SGCE: variants seen among roughly 807,000 people sequenced by gnomAD.
The protein encoded by SGCE is sarcoglycan epsilon.
In SGCE, 26 loss-of-function variants were observed where a neutral mutation model predicts 57.8. That is an observed-to-expected ratio of 0.45 (90% confidence interval 0.33 to 0.62). The LOEUF is 0.62. Among genes scored for constraint, SGCE ranks in the 20% least tolerant of loss-of-function variants. SGCE has a pLI of 0.02. For missense variants in SGCE, 468 were observed against 548.6 expected (o/e 0.85, Z 1.47); for synonymous variants, 183 against 189.5 (o/e 0.97, Z 0.28).
chr7:94,615,377 G>C (rs1231084650), intron 5 of SGCE, among the ~76,000 whole-genome samples: 1 of 93,312 alleles, frequency 1.1e-5, no homozygotes, highest in Non-Finnish European at 2.2e-5. Context: ...TAGATAGATA[G>C]ATAGATAGAT....
chr7:94,633,473 A>T (rs1181358815), intron 1 of SGCE, among the ~76,000 whole-genome samples: 1 of 152,136 alleles, frequency 6.6e-6, no homozygotes, highest in Non-Finnish European at 1.5e-5. Flanking sequence ...GATCCAATTT[A>T]TCTCATCACC....
At position 94,588,229 on chromosome 7, in the gene SGCE, T is replaced by C. The variant is rs185185583; in HGVS notation, c.1297+460A>G. Reference sequence around the variant, plus strand: ...TCATTGGTCATGTTATAACAGCTTTTTAAAGCGGCTTTAAAACCAGGCCAG... The same window carrying C: ...TCATTGGTCATGTTATAACAGCTTTCTAAAGCGGCTTTAAAACCAGGCCAG... On this transcript the variant is annotated intron_variant, in intron 10 of 10. Transcript: ENST00000648936. 2.1e-4 allele frequency: 222 copies of C among 1,049,790 alleles called. No homozygotes were observed. In the African/African-American group the frequency reaches 3.1e-3, roughly 15 times the overall value. The allele number at this position is 1,049,790 out of a possible 1,614,324, so 65.0% of individuals were successfully genotyped here.
intron 5 of SGCE, among the ~76,000 whole-genome samples, chr7:94,615,415 TAGATAGATAAAG>T (rs1443385939): frequency 1.5e-5 from 2 of 129,948 alleles, no homozygotes; most frequent in Non-Finnish European, 3.4e-5. Flanking sequence ...GATAGATAGA[TAGATAGATAAAG>T]GGCAATTCTG....
intron 3 of SGCE, chr7:94,626,476 C>T (rs574119534): frequency 2.6e-5 from 4 of 152,070 alleles, no homozygotes; most frequent in African/African-American, 7.2e-5. Context: ...CCTAGTACCT[C>T]AACATTTTTG....
chr7:94,615,425 A>ATAG (rs1562836241), intron 5 of SGCE, among the ~76,000 whole-genome samples: 16 of 133,434 alleles, frequency 1.2e-4, no homozygotes, highest in Non-Finnish European at 2.1e-4. Flanking sequence ...TAGATAGATA[A>ATAG]AGGGCAATTC....
At chr7:94,637,047 G>A (rs1487401897) in intron 1 of SGCE, among the ~76,000 whole-genome samples, 1 of 140,980 alleles carries the variant, frequency 7.1e-6, no homozygotes, top group Non-Finnish European at 1.5e-5. Flanking sequence ...CAACAAGAGC[G>A]AAACTCCATC....
In SGCE at chr7:94,636,986, G is replaced by A. The variant is rs2117023568; in HGVS notation, c.110-7145C>T. The stretch of plus-strand genomic sequence containing the variant: ...AGGCAGGAGAATCACTTGAACCCGG[G>A]AGGAGGAAGTTGCAGTGAGCTGAGA... On this transcript the variant is annotated intron_variant, in intron 1 of 10. Transcript: ENST00000648936. Among the ~76,000 whole-genome samples the A allele has an allele frequency of 1.3e-5, 2 of 151,336 alleles. 1 individual carries two copies. Among genetic ancestry groups the A allele is most frequent in the South Asian group, 4.2e-4 (2 of 4,792 alleles).
intron 1 of SGCE, among the ~76,000 whole-genome samples, chr7:94,646,750 A>G (rs1408819587): frequency 2.6e-5 from 4 of 152,230 alleles, no homozygotes; most frequent in African/African-American, 7.2e-5. Flanking sequence ...TAAAAAATAT[A>G]ACAATGCTCA....
intron 5 of SGCE, among the ~76,000 whole-genome samples, chr7:94,604,029 T>G (rs1445286384): frequency 6.6e-6 from 1 of 152,150 alleles, no homozygotes; most frequent in African/African-American, 2.4e-5. Flanking sequence ...CAATCTTTTA[T>G]CTAAGACATT....
At chr7:94,610,278 G>A (rs1242563509) in intron 5 of SGCE, among the ~76,000 whole-genome samples, 2 of 152,078 alleles carry the variant, frequency 1.3e-5, no homozygotes, top group Non-Finnish European at 2.9e-5. Flanking sequence ...CTATAATGAT[G>A]GAAACATGTC....
intron 1 of SGCE, among the ~76,000 whole-genome samples, chr7:94,654,089 C>G (rs1415700927): frequency 6.6e-6 from 1 of 152,060 alleles, no homozygotes; most frequent in East Asian, 1.9e-4. Flanking sequence ...ATAATGTTTA[C>G]TGGTGTTATT....
chr7:94,632,878 G>T (rs1241055558), intron 1 of SGCE, among the ~76,000 whole-genome samples: 1 of 151,868 alleles, frequency 6.6e-6, no homozygotes, highest in East Asian at 1.9e-4. Context: ...AAGCTGATGG[G>T]GTCCACTCCA....
intron 1 of SGCE, among the ~76,000 whole-genome samples, chr7:94,650,049 G>A (rs944294676): frequency 8.6e-5 from 13 of 152,008 alleles, no homozygotes; most frequent in Non-Finnish European, 1.9e-4. Flanking sequence ...ACAATCAATA[G>A]GCAGATCACC....
intron 1 of SGCE, among the ~76,000 whole-genome samples, chr7:94,648,319 G>C (rs1237770860): frequency 7.2e-6 from 1 of 138,562 alleles, no homozygotes; most frequent in African/African-American, 2.7e-5. Context: ...AGGTTGCAGT[G>C]AGCCAAGACC....
intron 9 of SGCE, among the ~76,000 whole-genome samples, chr7:94,595,586 C>T (rs910615818): frequency 2.6e-5 from 4 of 151,880 alleles, no homozygotes; most frequent in African/African-American, 7.2e-5. Context: ...TGTAATGCCT[C>T]CCAAAATATA....
chr7:94,637,948 C>T (rs1467437949), intron 1 of SGCE, among the ~76,000 whole-genome samples: 2 of 152,040 alleles, frequency 1.3e-5, no homozygotes, highest in East Asian at 3.9e-4. Context: ...ACCGGGGACC[C>T]ATAACCAGAA....
chr7:94,588,191 C>T lies in SGCE; in HGVS notation c.1297+498G>A, dbSNP rs73425438. The T allele has an allele frequency of 1.1e-3, 1,199 of 1,072,518 alleles. 5 individuals are homozygous for T. In the East Asian group the frequency reaches 0.013, roughly 11 times the overall value. The allele number at this position is 1,072,518 out of a possible 1,614,324, so 66.4% of individuals were successfully genotyped here. A position where few individuals can be genotyped will look rare whatever the true frequency, so the allele number is the denominator to read the frequency against. ...ATAGAATAATCCAAGGAGAATTGTC[C>T]GCCATCTTGTTGTCATTGGTCATGT... is the stretch of plus-strand genomic sequence containing the variant. On this transcript the variant is annotated intron_variant, in intron 10 of 10. Transcript: ENST00000648936.
intron 5 of SGCE, among the ~76,000 whole-genome samples, chr7:94,604,411 C>CAT (rs1183760933): frequency 6.7e-6 from 1 of 149,892 alleles, no homozygotes; most frequent in Admixed American, 6.7e-5. Context: ...CCAGAATAGC[C>CAT]ATACACACAC....
rs925650428 is a variant in SGCE at position 94,614,107 on chromosome 7, CAAAA to C, written c.662+4647_662+4650del. Reference sequence around the variant, plus strand: ...AATTTTCTTGTACCCAAATTGAAATCAAAAAAAAAAAAAAAAAAAAAAACACAGT... The same window carrying C: ...AATTTTCTTGTACCCAAATTGAAATCAAAAAAAAAAAAAAAAAAACACAGT... On this transcript the variant is annotated intron_variant, in intron 5 of 10. Transcript: ENST00000648936. Among the ~76,000 whole-genome samples the C allele has an allele frequency of 1.2e-4, 11 of 94,934 alleles. No individual in the cohort carries two copies. In the East Asian group the frequency reaches 1.6e-3, roughly 14 times the overall value. The allele number at this position is 94,934 out of a possible 152,430, so 62.3% of individuals were successfully genotyped here.
Sources: allele counts gnomAD v4.1 joint callset (sites outside exome capture counted in the v4.1 genomes callset), GRCh38; gene constraint gnomAD v4.1.1; transcripts MANE v1.5; gene names NCBI Gene and HGNC (gene_info 2026-07-23, HGNC 2026-07-21).